GLB1: variants seen among roughly 807,000 people sequenced by gnomAD.
The protein encoded by GLB1 is galactosidase beta 1.
A neutral mutation model predicts 74.0 loss-of-function variants in GLB1; 56 were observed. The ratio of observed to expected loss-of-function variants is 0.76; its 90% CI spans 0.61 to 0.94. The LOEUF is 0.94. GLB1 is among the 40% of genes least tolerant of loss of function. The pLI, the probability that GLB1 is intolerant of heterozygous loss-of-function variation, is 0.00. For missense variants in GLB1, 787 were observed against 845.5 expected, an observed-to-expected ratio of 0.93 and a Z score of 0.86; for synonymous variants, 323 against 323.6, an observed-to-expected ratio of 1.00 and a Z score of 0.02.
At chr3:32,983,796 A>T in the GLB1 span, among the ~76,000 whole-genome samples, 1 of 152,074 alleles carries the variant, frequency 6.6e-6, no homozygotes, top group Non-Finnish European at 1.5e-5. Context: ...CTCCCACCTC[A>T]GCCCCCTGAG....
chr3:33,082,720 C>T (rs2125569113), intron 1 of GLB1, among the ~76,000 whole-genome samples: 1 of 152,288 alleles, frequency 6.6e-6, no homozygotes, highest in East Asian at 1.9e-4. Flanking sequence ...GTGGGCAGGA[C>T]AGCAGTATAT....
chr3:32,986,107 A>G, the GLB1 span, among the ~76,000 whole-genome samples: 6 of 152,190 alleles, frequency 3.9e-5, no homozygotes, highest in African/African-American at 4.8e-5. Context: ...GTGATTTTCC[A>G]TGTTCCCTTT....
In GLB1 at chr3:33,051,873, G is replaced by T; in HGVS notation, c.914+10C>A. On this transcript the variant is annotated intron_variant, in intron 8 of 15. Coordinates refer to ENST00000307363, the MANE Select transcript of GLB1 (RefSeq NM_000404.4). Reference sequence around the variant, plus strand: ...TGAGGGCACCCTCCCCTCAGGCAATGAACACTCACAAGTTCACACTCGCCC... The same window carrying T: ...TGAGGGCACCCTCCCCTCAGGCAATTAACACTCACAAGTTCACACTCGCCC... 3 of 1,614,202 alleles carry T rather than the reference G, an allele frequency of 1.9e-6. No individual in the cohort carries two copies. Among genetic ancestry groups the T allele is most frequent in the Non-Finnish European group, 2.5e-6 (3 of 1,180,038 alleles).
Position 33,008,996 on chromosome 3 carries a change from G to A in GLB1, c.1734+5060C>T, listed in dbSNP as rs1366457068. Reference sequence around the variant, plus strand: ...TAGCCAGGCGTGGTGGTGCATGCCTGTAATCCCAGCTACATGGGAGGCTGA... The same window carrying A: ...TAGCCAGGCGTGGTGGTGCATGCCTATAATCCCAGCTACATGGGAGGCTGA... On this transcript the variant is annotated intron_variant, in intron 15 of 15. Coordinates refer to ENST00000307363, the MANE Select transcript of GLB1 (RefSeq NM_000404.4). 4.6e-5 allele frequency among the ~76,000 whole-genome samples: 7 copies of A among 152,076 alleles called. No homozygotes were observed. The East Asian group carries it at 7.7e-4, about 17-fold the overall frequency.
chr3:33,004,092 T>C (rs1696690630), intron 15 of GLB1, among the ~76,000 whole-genome samples: 1 of 152,146 alleles, frequency 6.6e-6, no homozygotes, highest in Non-Finnish European at 1.5e-5. Flanking sequence ...TAGTGACATA[T>C]TTTGGCCAAA....
chr3:33,087,579 G>GCGCACA lies in GLB1; in HGVS notation c.75+9431_75+9432insTGTGCG, dbSNP rs1374529518. On this transcript the variant is annotated intron_variant, in intron 1 of 15. Coordinates refer to ENST00000307363, the MANE Select transcript of GLB1 (RefSeq NM_000404.4). ...AGCAAGACCATGTCTCAGCATGCGC[G>GCGCACA]CACACACACACACACACACACACAC... Among the ~76,000 whole-genome samples the GCGCACA allele has an allele frequency of 4.9e-5, 7 of 141,910 alleles. No homozygotes were observed. The South Asian group carries it at 1.1e-3, about 23-fold the overall frequency. The allele number at this position is 141,910 out of a possible 152,430, so 93.1% of individuals were successfully genotyped here.
chr3:33,063,513 CAAG>C (rs1699535541), intron 5 of GLB1, among the ~76,000 whole-genome samples: 2 of 152,198 alleles, frequency 1.3e-5, no homozygotes, highest in African/African-American at 4.8e-5. Flanking sequence ...GGGATGGACA[CAAG>C]AAGAAATATC....
chr3:33,049,038 A>AT (rs556118566), intron 9 of GLB1, among the ~76,000 whole-genome samples: 20 of 151,804 alleles, frequency 1.3e-4, no homozygotes, highest in South Asian at 8.3e-4. Context: ...ATAATGTCCA[A>AT]TTTTTTTTTA....
At chr3:33,002,047 C>T (rs1160749770) in intron 15 of GLB1, among the ~76,000 whole-genome samples, 3 of 150,828 alleles carry the variant, frequency 2.0e-5, no homozygotes, top group Admixed American at 2.0e-4. Context: ...TAGATACACT[C>T]TTAATGAAGT....
chr3:33,088,146 A>G (rs1700603403), intron 1 of GLB1, among the ~76,000 whole-genome samples: 1 of 152,206 alleles, frequency 6.6e-6, no homozygotes, highest in Non-Finnish European at 1.5e-5. Flanking sequence ...TGAAGAGCCC[A>G]TAGCTAACAT....
chr3:32,996,183 A>T (rs888356495), downstream of GLB1, among the ~76,000 whole-genome samples: 5 of 152,162 alleles, frequency 3.3e-5, no homozygotes, highest in African/African-American at 1.2e-4. Context: ...GTGTAGAACA[A>T]GTCCTCAACA....
intron 10 of GLB1, among the ~76,000 whole-genome samples, chr3:33,028,665 A>ATT (rs199938060): frequency 1.3e-4 from 19 of 148,370 alleles, no homozygotes; most frequent in Admixed American, 2.0e-4. Flanking sequence ...TTTACCCAAA[A>ATT]ATTTTTTTTT....
intron 15 of GLB1, among the ~76,000 whole-genome samples, chr3:33,003,129 T>C (rs1201439189): frequency 6.6e-6 from 1 of 152,164 alleles, no homozygotes; most frequent in African/African-American, 2.4e-5. Flanking sequence ...GTAATAAAAT[T>C]AAATAACTTT....
At chr3:32,966,538 G>A in the GLB1 span, among the ~76,000 whole-genome samples, 1 of 152,162 alleles carries the variant, frequency 6.6e-6, no homozygotes, top group Non-Finnish European at 1.5e-5. Flanking sequence ...TGTTTCAGAT[G>A]AGACTTTGGA....
rs1700814172 is a variant in GLB1 at position 33,092,659 on chromosome 3, C to T, written c.75+4352G>A. The T allele has an allele frequency of 1.6e-5, 22 of 1,393,676 alleles. No homozygotes were observed. The South Asian group carries it at 3.9e-4, about 24-fold the overall frequency. The allele number at this position is 1,393,676 out of a possible 1,614,324, so 86.3% of individuals were successfully genotyped here. On this transcript the variant is annotated intron_variant, in intron 1 of 15. Transcript: ENST00000307363. ...TGGCCAAGGAAATAGTTAAACCAGCCTGAACATGCCAGGCAGGCCCACCAT... is the reference window on the plus strand; with the variant it reads ...TGGCCAAGGAAATAGTTAAACCAGCTTGAACATGCCAGGCAGGCCCACCAT...
intron 5 of GLB1, chr3:33,061,529 T>C (rs1448174602): frequency 6.6e-6 from 1 of 152,196 alleles, no homozygotes; most frequent in Non-Finnish European, 1.5e-5. Flanking sequence ...ACAGATGATA[T>C]ATAAACGGTG....
intron 15 of GLB1, among the ~76,000 whole-genome samples, chr3:33,012,747 A>C (rs1697080279): frequency 6.6e-6 from 1 of 152,150 alleles, no homozygotes; most frequent in Non-Finnish European, 1.5e-5. Context: ...CATTCTGCCC[A>C]GCTGCAAGCT....
intron 1 of GLB1, among the ~76,000 whole-genome samples, chr3:33,087,535 A>C (rs1700556250): frequency 6.7e-6 from 1 of 149,734 alleles, no homozygotes; most frequent in Non-Finnish European, 1.5e-5. Flanking sequence ...ATGCCTCTGC[A>C]CTCCAGCCCC....
intron 5 of GLB1, among the ~76,000 whole-genome samples, chr3:33,059,739 G>A (rs1699368499): frequency 6.6e-6 from 1 of 152,160 alleles, no homozygotes; most frequent in Non-Finnish European, 1.5e-5. Flanking sequence ...GTGTTTATGT[G>A]GGTGTTCACA....
Sources: gnomAD v4.1 joint callset for allele counts (sites outside exome capture counted in the v4.1 genomes callset) on GRCh38, gnomAD v4.1.1 for gene constraint, MANE v1.5 for transcripts, NCBI Gene and HGNC (gene_info 2026-07-23, HGNC 2026-07-21) for gene names.